PAICS: variants seen among roughly 807,000 people sequenced by gnomAD.
PAICS encodes the protein bifunctional phosphoribosylaminoimidazole carboxylase/phosphoribosylaminoimidazole succinocarboxamide synthetase.
A neutral mutation model predicts 53.7 loss-of-function variants in PAICS; 33 were observed. The observed-to-expected ratio is 0.61, with a 90% CI of 0.47 to 0.82. The LOEUF (loss-of-function observed/expected upper bound fraction) is 0.82, where lower values mean the gene tolerates loss of function less well. Among genes scored for constraint, PAICS ranks in the 40% least tolerant of loss-of-function variants. The pLI, the probability that PAICS is intolerant of heterozygous loss-of-function variation, is 0.00. For synonymous variants in PAICS, 141 were observed against 167.2 expected, an observed-to-expected ratio of 0.84 and a Z score of 1.21; for missense variants, 394 against 494.1, an observed-to-expected ratio of 0.80 and a Z score of 1.92.
chr4:56,456,617 C>T (rs762072199), intron 8 of PAICS, among the ~76,000 whole-genome samples: 1 of 151,550 alleles, frequency 6.6e-6, no homozygotes, highest in Non-Finnish European at 1.5e-5. Context: ...GTATGTTGTC[C>T]AGGCTTGTCC....
chr4:56,456,449 C>T (rs1230903931), intron 8 of PAICS, among the ~76,000 whole-genome samples: 1 of 152,044 alleles, frequency 6.6e-6, no homozygotes, highest in African/African-American at 2.4e-5. Flanking sequence ...GCTCTGTTGC[C>T]CAGGTGGGAG....
At chr4:56,435,421 G>A (rs142572514), upstream of PAICS, 1,904 of 1,613,906 alleles carry the variant, frequency 1.2e-3, 23 homozygotes, top group Non-Finnish European at 1.4e-4. Flanking sequence ...ACTCTCCTGA[G>A]GCGATGCACC....
At chr4:56,435,970 G>A (rs766433121), upstream of PAICS, 9 of 1,514,276 alleles carry the variant, frequency 5.9e-6, no homozygotes, top group South Asian at 1.0e-4. Context: ...CCGAGAAGGG[G>A]CCGGGGTATG....
At position 56,438,388 on chromosome 4, in the gene PAICS, T is replaced by TATATATATAC. The variant is rs1718147534; in HGVS notation, c.16+2069_16+2070insCATATATATA. On this transcript the variant is annotated intron_variant, in intron 1 of 8. Coordinates refer to ENST00000512576, the MANE Select transcript of PAICS (RefSeq NM_001079524.2). ...CAATGTGTTTATATATATATATATA[T>TATATATATAC]ATATATATATATATAAAAGGTTTTT... Among the ~76,000 whole-genome samples, 3 of 99,142 alleles carry TATATATATAC rather than the reference T, an allele frequency of 3.0e-5. No homozygotes were observed. The South Asian group carries it at 1.2e-3, about 38-fold the overall frequency. The allele number at this position is 99,142 out of a possible 152,430, so 65.0% of individuals were successfully genotyped here.
upstream of PAICS, among the ~76,000 whole-genome samples, chr4:56,434,645 C>G (rs1375275287): frequency 6.6e-6 from 1 of 152,172 alleles, no homozygotes; most frequent in Non-Finnish European, 1.5e-5. Context: ...TAATTTTTGT[C>G]ATGTTATTAC....
chr4:56,444,326 T>C (rs1264192999), intron 2 of PAICS, among the ~76,000 whole-genome samples: 2 of 152,202 alleles, frequency 1.3e-5, no homozygotes, highest in Non-Finnish European at 2.9e-5. Flanking sequence ...GTTTTATTAC[T>C]TAAAAATTAA....
At chr4:56,420,931 T>C in the PAICS span, 1 of 151,658 alleles carries the variant, frequency 6.6e-6, no homozygotes, top group African/African-American at 2.4e-5. Context: ...TGTGGAAGCT[T>C]GAAGTAACCA....
chr4:56,428,282 T>C, the PAICS span, among the ~76,000 whole-genome samples: 1 of 152,134 alleles, frequency 6.6e-6, no homozygotes, highest in Admixed American at 6.6e-5. Context: ...CATTTACAGA[T>C]TATAACAGTG....
At chr4:56,417,835 G>GTTT in the PAICS span, among the ~76,000 whole-genome samples, 8 of 102,516 alleles carry the variant, frequency 7.8e-5, no homozygotes, top group African/African-American at 2.8e-4. Flanking sequence ...TGAAGATTTG[G>GTTT]TTTTTTGTTT....
chr4:56,451,808 A>T, intron 6 of PAICS, 64 bp from the exon 7 acceptor site: 1 of 1,000,766 alleles, frequency 1.0e-6, no homozygotes, highest in Non-Finnish European at 1.4e-6. Context: ...TTTACTACAA[A>T]CTCTAGCTCA....
At chr4:56,459,122 TAAG>T (rs1331038968) in intron 8 of PAICS, among the ~76,000 whole-genome samples, 1 of 152,190 alleles carries the variant, frequency 6.6e-6, no homozygotes, top group African/African-American at 2.4e-5. Flanking sequence ...GTGAGTTCTA[TAAG>T]AAGGGTGATA....
At chr4:56,431,431 T>C (rs1717580407), upstream of PAICS, 19 of 981,900 alleles carry the variant, frequency 1.9e-5, no homozygotes, top group Non-Finnish European at 2.3e-5. Context: ...AACCAGTGTC[T>C]AAATCTCTTA....
intron 2 of PAICS, 57 bp downstream of exon 2, chr4:56,441,917 C>T (rs1036182111): frequency 2.5e-6 from 3 of 1,194,982 alleles, no homozygotes; most frequent in South Asian, 1.6e-5. Context: ...ATGTCGATGT[C>T]TTTCATGTGA....
chr4:56,433,168 A>C (rs1269893946), upstream of PAICS, among the ~76,000 whole-genome samples: 1 of 151,934 alleles, frequency 6.6e-6, no homozygotes, highest in Non-Finnish European at 1.5e-5. Flanking sequence ...AGCTCATGTA[A>C]AATTTTGAAT....
At chr4:56,437,819 C>CAAAAA (rs869109998) in intron 1 of PAICS, among the ~76,000 whole-genome samples, 3 of 21,590 alleles carry the variant, frequency 1.4e-4, no homozygotes, top group African/African-American at 3.4e-4. Flanking sequence ...GACTCTGTCT[C>CAAAAA]AAAAAAAAAA....
At chr4:56,459,290 C>A in intron 8 of PAICS, 82 bp from the exon 9 acceptor site, 2 of 885,688 alleles carry the variant, frequency 2.3e-6, no homozygotes, top group East Asian at 2.6e-5. Flanking sequence ...CAGGACTGCT[C>A]TGAGTATAAA....
At chr4:56,435,686 CGAGCGAGGGCGGAGGGGCGGT>C (rs1323311255), upstream of PAICS, 2 of 1,451,378 alleles carry the variant, frequency 1.4e-6, no homozygotes, top group African/African-American at 2.8e-5. Context: ...AGTCCACCAA[CGAGCGAGGGCGGAGGGGCGGT>C]CCCGCGGCTG....
At chr4:56,427,363 A>G in the PAICS span, among the ~76,000 whole-genome samples, 93 of 152,298 alleles carry the variant, frequency 6.1e-4, no homozygotes, top group African/African-American at 2.1e-3. Context: ...TTCTGGGTTT[A>G]TATGTAGGAG....
the PAICS span, among the ~76,000 whole-genome samples, chr4:56,423,887 T>C: frequency 6.6e-6 from 1 of 152,150 alleles, no homozygotes; most frequent in Non-Finnish European, 1.5e-5. Context: ...AATATATACC[T>C]ACTGATTCAC....
Sources: gnomAD v4.1 joint callset for allele counts (sites outside exome capture counted in the v4.1 genomes callset) on GRCh38, gnomAD v4.1.1 for gene constraint, MANE v1.5 for transcripts, NCBI Gene and HGNC (gene_info 2026-07-23, HGNC 2026-07-21) for gene names.